The following SLC3A1 variants were observed in gnomAD, a reference collection of about 807,000 sequenced individuals.
The protein encoded by SLC3A1 is amino acid transporter heavy chain SLC3A1.
In SLC3A1, 78 loss-of-function variants were observed where a neutral mutation model predicts 60.3. The observed-to-expected ratio is 1.29, with a 90% confidence interval of 1.08 to 1.56. The LOEUF (loss-of-function observed/expected upper bound fraction) is 1.56, where lower values mean the gene tolerates loss of function less well. Ranked by LOEUF, SLC3A1 falls within the 40% of genes most tolerant of loss-of-function variation. The probability of loss-of-function intolerance (pLI) is 0.00; values close to 1 mark genes in which losing one functional copy is unlikely to be tolerated. For synonymous variants in SLC3A1, 392 were observed against 307.9 expected (o/e 1.27, Z -2.86); for missense variants, 1,172 against 858.9 (o/e 1.36, Z -4.56).
chr2:44,296,793 T>G (rs1227162210), intron 4 of SLC3A1, among the ~76,000 whole-genome samples: 3 of 152,124 alleles, frequency 2.0e-5, no homozygotes, highest in Non-Finnish European at 2.9e-5. Context: ...AATCCCCATG[T>G]GTTGTGGGGT....
chr2:44,316,910 A>G (rs1318573631), intron 9 of SLC3A1, among the ~76,000 whole-genome samples: 1 of 152,192 alleles, frequency 6.6e-6, no homozygotes, highest in East Asian at 1.9e-4. Context: ...GATACAATGT[A>G]TTAAAGAAGG....
At chr2:44,313,330 A>C (rs1195307754) in intron 8 of SLC3A1, among the ~76,000 whole-genome samples, 1 of 152,168 alleles carries the variant, frequency 6.6e-6, no homozygotes, top group African/African-American at 2.4e-5. Flanking sequence ...GTTAGCTTTC[A>C]ACTATATGAG....
intron 3 of SLC3A1, 151 bp downstream of exon 3, chr2:44,281,692 A>T (rs1243908369): frequency 1.4e-6 from 1 of 733,070 alleles, no homozygotes; most frequent in African/African-American, 1.8e-5. Context: ...TAAGGTTTCC[A>T]GTTGTTATTT....
At chr2:44,294,869 G>T (rs1671814920) in intron 4 of SLC3A1, among the ~76,000 whole-genome samples, 1 of 152,072 alleles carries the variant, frequency 6.6e-6, no homozygotes, top group Non-Finnish European at 1.5e-5. Context: ...TGTGATTTAT[G>T]ACATTTTCAA....
downstream of SLC3A1, among the ~76,000 whole-genome samples, chr2:44,322,264 C>T (rs1180213627): frequency 6.6e-6 from 1 of 152,076 alleles, no homozygotes; most frequent in African/African-American, 2.4e-5. Flanking sequence ...ACTGATATGG[C>T]ATGTAGTTTC....
intron 1 of SLC3A1, among the ~76,000 whole-genome samples, chr2:44,276,913 AAACT>A (rs1558451073): frequency 1.3e-5 from 2 of 152,170 alleles, no homozygotes; most frequent in Non-Finnish European, 2.9e-5. Flanking sequence ...ACAAATAAGG[AAACT>A]AACAAACTAA....
At chr2:44,302,379 T>G (rs902283976) in intron 6 of SLC3A1, among the ~76,000 whole-genome samples, 1 of 152,176 alleles carries the variant, frequency 6.6e-6, no homozygotes, top group Admixed American at 6.5e-5. Flanking sequence ...TACCCATCAT[T>G]AAGTTTACAT....
At chr2:44,301,450 C>T (rs1039958617) in intron 6 of SLC3A1, 1 of 524,274 alleles carries the variant, frequency 1.9e-6, no homozygotes, top group Non-Finnish European at 3.4e-6. Flanking sequence ...TTTTCAAAAA[C>T]CAGTTCCAGG....
chr2:44,280,760 A>C lies in SLC3A1; in HGVS notation c.475A>C (p.Thr159Pro), dbSNP rs1671476944. 2 of 1,611,072 alleles carry C rather than the reference A, an allele frequency of 1.2e-6. No individual in the cohort carries two copies. The highest frequency in any genetic ancestry group is 1.7e-6 in the Non-Finnish European group (2 of 1,177,262). ...LDYITALNIKTVWITSFYKSS... is the reference protein window; with the variant it reads ...LDYITALNIKPVWITSFYKSS... ...CTACATCACAGCTTTAAATATAAAA[A>C]CTGTTTGGATTACTTCATTTTATAA... The change falls in exon 2 of 10, where the codon ACT becomes CCT. Residue 159 changes from threonine to proline, a missense_variant. Thr to Pro is a conservative substitution (Grantham distance 38). Transcript: ENST00000260649.
intron 3 of SLC3A1, among the ~76,000 whole-genome samples, chr2:44,282,422 C>T (rs962072408): frequency 1.3e-5 from 2 of 151,996 alleles, no homozygotes; most frequent in Non-Finnish European, 2.9e-5. Flanking sequence ...TCACTCTCAG[C>T]AGCAAACTCG....
At chr2:44,304,736 A>G (rs1394879597) in intron 7 of SLC3A1, among the ~76,000 whole-genome samples, 1 of 151,990 alleles carries the variant, frequency 6.6e-6, no homozygotes, top group Non-Finnish European at 1.5e-5. Context: ...GGCAGGATGC[A>G]CTGCAAAAAG....
intron 4 of SLC3A1, among the ~76,000 whole-genome samples, chr2:44,296,376 C>G (rs1671844664): frequency 6.6e-6 from 1 of 152,144 alleles, no homozygotes; most frequent in Non-Finnish European, 1.5e-5. Flanking sequence ...CAGGGCTTGC[C>G]TAAGTGCCTG....
intron 7 of SLC3A1, among the ~76,000 whole-genome samples, chr2:44,307,816 CA>C (rs1558466531): frequency 6.6e-6 from 1 of 152,122 alleles, no homozygotes; most frequent in Non-Finnish European, 1.5e-5. Flanking sequence ...TTGAAAAGCA[CA>C]GAAGTTTTTA....
intron 7 of SLC3A1, among the ~76,000 whole-genome samples, chr2:44,308,145 A>G (rs1490030935): frequency 2.0e-5 from 3 of 152,162 alleles, no homozygotes; most frequent in Non-Finnish European, 4.4e-5. Context: ...CTCTAAATGT[A>G]AAACAAAACA....
At chr2:44,314,922 A>AT (rs561577601) in intron 9 of SLC3A1, 49,191 of 78,258 alleles carry the variant, frequency 0.63, 19,455 homozygotes, top group Non-Finnish European at 0.77. Flanking sequence ...TAAAACAGTG[A>AT]TTTTTTTTTT....
intron 8 of SLC3A1, 184 bp downstream of exon 8, chr2:44,312,937 T>G (rs1672336302): frequency 1.7e-6 from 1 of 590,810 alleles, no homozygotes; most frequent in Non-Finnish European, 3.0e-6. Context: ...GAGCTTATTT[T>G]AAAAATGCTT....
chr2:44,297,441 A>G (rs1671882279), intron 4 of SLC3A1, among the ~76,000 whole-genome samples: 1 of 152,064 alleles, frequency 6.6e-6, no homozygotes. Context: ...CTCCATTGAA[A>G]TCCCACCAGG....
chr2:44,310,996 A>G (rs1219725959), intron 7 of SLC3A1, among the ~76,000 whole-genome samples: 1 of 151,960 alleles, frequency 6.6e-6, no homozygotes, highest in Non-Finnish European at 1.5e-5. Flanking sequence ...GGGTCTCACC[A>G]TGTTGCCCAG....
chr2:44,290,588 C>G (rs1010883309), intron 4 of SLC3A1, among the ~76,000 whole-genome samples: 1 of 151,802 alleles, frequency 6.6e-6, no homozygotes, highest in Non-Finnish European at 1.5e-5. Flanking sequence ...TTTACGTGTT[C>G]TTTCATTTCT....
Sources: allele counts gnomAD v4.1 joint callset (sites outside exome capture counted in the v4.1 genomes callset), GRCh38; gene constraint gnomAD v4.1.1; transcripts MANE v1.5; gene names NCBI Gene and HGNC (gene_info 2026-07-23, HGNC 2026-07-21).